TTC7A: variants seen among roughly 807,000 people sequenced by gnomAD.
TTC7A encodes the protein tetratricopeptide repeat protein 7A.
A neutral mutation model predicts 103.7 loss-of-function variants in TTC7A; 110 were observed. The observed-to-expected ratio is 1.06, with a 90% CI of 0.91 to 1.24. TTC7A has a LOEUF of 1.24. Among genes scored for constraint, TTC7A ranks in the 50% most tolerant of loss-of-function variants. The probability of loss-of-function intolerance (pLI) is 0.00; values close to 1 mark genes in which losing one functional copy is unlikely to be tolerated. For synonymous variants in TTC7A, 521 were observed against 467.9 expected (o/e 1.11, Z -1.47); for missense variants, 1,340 against 1,116.3 (o/e 1.20, Z -2.86).
At chr2:47,055,359 C>T (rs1683228288) in intron 18 of TTC7A, among the ~76,000 whole-genome samples, 2 of 152,160 alleles carry the variant, frequency 1.3e-5, no homozygotes, top group African/African-American at 2.4e-5. Flanking sequence ...AACTCTTGCC[C>T]TCCTCTCCTC....
chr2:46,985,209 CTGAGGCACA>C (rs1674890096), intron 5 of TTC7A, among the ~76,000 whole-genome samples: 1 of 152,132 alleles, frequency 6.6e-6, no homozygotes, highest in Admixed American at 6.5e-5. Flanking sequence ...TTCTTTCTTC[CTGAGGCACA>C]TGTTTTGGTC....
chr2:46,946,419 A>G (rs1046378724), intron 1 of TTC7A, among the ~76,000 whole-genome samples: 11 of 151,902 alleles, frequency 7.2e-5, no homozygotes, highest in Admixed American at 4.6e-4. Flanking sequence ...TTTTTTTTTA[A>G]TTTTTTTAAT....
intron 8 of TTC7A, chr2:46,999,903 T>G (rs1486425964): frequency 2.0e-6 from 2 of 985,132 alleles, no homozygotes; most frequent in Non-Finnish European, 2.4e-6. Context: ...GGTAAGTCTC[T>G]GGGTCCTGGG....
intron 15 of TTC7A, among the ~76,000 whole-genome samples, chr2:47,037,973 G>T (rs1025765069): frequency 1.3e-5 from 2 of 152,132 alleles, no homozygotes; most frequent in African/African-American, 4.8e-5. Context: ...ACTCTAGGCT[G>T]GGCGCGGTCA....
chr2:46,981,254 C>G (rs1674430150), intron 5 of TTC7A, among the ~76,000 whole-genome samples: 1 of 151,054 alleles, frequency 6.6e-6, no homozygotes, highest in Non-Finnish European at 1.5e-5. Flanking sequence ...ACAACCACAA[C>G]AAAATAGTAT....
chr2:46,995,362 T>C (rs1676076806), intron 8 of TTC7A, among the ~76,000 whole-genome samples, 163 bp downstream of exon 8: 1 of 152,232 alleles, frequency 6.6e-6, no homozygotes, highest in Non-Finnish European at 1.5e-5. Context: ...CAGCAAGTCT[T>C]GCTCATTAGG....
chr2:46,950,429 A>T lies in TTC7A; in HGVS notation c.251A>T (p.Lys84Ile). ...LEQCLKENHA[K>I]IKDSMPLLEK... ...CAGTGTTTGAAGGAGAACCATGCCA[A>T]AATAAAAGACTCCATGCCTTTGCTG... Residue 84 changes from lysine to isoleucine, a missense_variant, in exon 2 of 20, where the codon AAA becomes ATA. Lys to Ile is a moderately radical substitution (Grantham distance 102, BLOSUM62 -3). Transcript: ENST00000319190. 1 of 1,614,194 alleles carries T rather than the reference A, an allele frequency of 6.2e-7. No homozygotes were observed. Among genetic ancestry groups the T allele is most frequent in the Non-Finnish European group, 8.5e-7 (1 of 1,180,048 alleles).
chr2:46,917,268 G>C (rs1386870690), exon 2 of TTC7A: 2 of 688,272 alleles, frequency 2.9e-6, no homozygotes, highest in Non-Finnish European at 5.3e-6. Context: ...AAAGTGCTGG[G>C]ATTACAGGGG....
intron 8 of TTC7A, among the ~76,000 whole-genome samples, chr2:46,998,109 G>A (rs1175632527): frequency 6.6e-6 from 1 of 152,086 alleles, no homozygotes; most frequent in African/African-American, 2.4e-5. Flanking sequence ...GAGATTCCCT[G>A]TGGCATAGGA....
intron 1 of TTC7A, among the ~76,000 whole-genome samples, chr2:46,949,265 T>TGGTAG (rs1479278715): frequency 3.3e-5 from 5 of 152,174 alleles, no homozygotes; most frequent in Non-Finnish European, 7.3e-5. Context: ...AGACAGAATC[T>TGGTAG]CACTTTGTTG....
intron 3 of TTC7A, among the ~76,000 whole-genome samples, chr2:46,964,731 A>G (rs544946267): frequency 8.5e-5 from 13 of 152,166 alleles, no homozygotes; most frequent in Non-Finnish European, 1.6e-4. Flanking sequence ...GGACATCTCT[A>G]GCTTTAGCCC....
rs1675111225 is a variant in TTC7A at position 46,987,267 on chromosome 2, G to GT, written c.765-6177dup. On this transcript the variant is annotated intron_variant, in intron 5 of 19. Transcript: ENST00000319190. ...CCAGAAGGGGGCACCTTTCTGACAT[G>GT]TTTTTTGGGGAGGCGGGCAATGGCT... is the stretch of plus-strand genomic sequence containing the variant. 4.6e-5 allele frequency among the ~76,000 whole-genome samples: 7 copies of GT among 152,330 alleles called. No homozygotes were observed. In the South Asian group the frequency reaches 1.2e-3, roughly 27 times the overall value.
Position 47,024,394 on chromosome 2 carries a change from G to A in TTC7A, c.1641+35G>A, listed in dbSNP as rs192285667. ...CCGTGTTCCTAACCCCCGGGTCCTC[G>A]GGGGCTGCTGATCTTCTCCTGGAAA... On this transcript the variant is annotated intron_variant, in intron 14 of 19. Coordinates refer to ENST00000319190, the MANE Select transcript of TTC7A (RefSeq NM_020458.4). 135 of 1,568,290 alleles carry A rather than the reference G, an allele frequency of 8.6e-5. 2 individuals carry two copies. In the South Asian group the frequency reaches 1.3e-3, roughly 15 times the overall value.
At chr2:47,053,420 G>C (rs958840306) in intron 18 of TTC7A, among the ~76,000 whole-genome samples, 2 of 152,230 alleles carry the variant, frequency 1.3e-5, no homozygotes, top group African/African-American at 2.4e-5. Flanking sequence ...AAGGAATGCA[G>C]CGTAACACAG....
At chr2:47,059,636 C>T (rs1211354734) in intron 18 of TTC7A, among the ~76,000 whole-genome samples, 1 of 152,204 alleles carries the variant, frequency 6.6e-6, no homozygotes, top group Non-Finnish European at 1.5e-5. Flanking sequence ...GGTCTGCTTC[C>T]ATCCCCTTCT....
chr2:46,976,996 A>G (rs1673947555), intron 4 of TTC7A, among the ~76,000 whole-genome samples: 1 of 152,216 alleles, frequency 6.6e-6, no homozygotes, highest in Non-Finnish European at 1.5e-5. Context: ...TCACTGCTAG[A>G]CAGTAGTAGT....
chr2:47,055,513 C>T (rs1477943696), intron 18 of TTC7A, among the ~76,000 whole-genome samples: 2 of 152,132 alleles, frequency 1.3e-5, no homozygotes, highest in African/African-American at 4.8e-5. Flanking sequence ...ATAGATGCTC[C>T]AGGATCTGAG....
At chr2:47,038,648 ACCCAC>A (rs1681415930) in intron 15 of TTC7A, among the ~76,000 whole-genome samples, 1 of 38,886 alleles carries the variant, frequency 2.6e-5, no homozygotes, top group Non-Finnish European at 4.9e-5. Flanking sequence ...CCCTCCCCCC[ACCCAC>A]CCCCCCGACA....
intron 2 of TTC7A, among the ~76,000 whole-genome samples, chr2:46,923,079 C>A (rs929516357): frequency 6.6e-6 from 1 of 152,230 alleles, no homozygotes; most frequent in East Asian, 1.9e-4. Context: ...GTGCTTCTGT[C>A]CCCATGGAGT....
Sources: allele counts gnomAD v4.1 joint callset (sites outside exome capture counted in the v4.1 genomes callset), GRCh38; gene constraint gnomAD v4.1.1; transcripts MANE v1.5; gene names NCBI Gene and HGNC (gene_info 2026-07-23, HGNC 2026-07-21).